GALNT17: variants seen among roughly 807,000 people sequenced by gnomAD.
GALNT17 encodes UDP-GalNAc:polypeptide N-acetylgalactosaminyltransferase-like 3.
In GALNT17, 29 loss-of-function variants were observed where a neutral mutation model predicts 63.7. The ratio of observed to expected loss-of-function variants is 0.46; its 90% CI spans 0.34 to 0.62. The LOEUF (loss-of-function observed/expected upper bound fraction) is 0.62, where lower values mean the gene tolerates loss of function less well. Among genes scored for constraint, GALNT17 ranks in the 20% least tolerant of loss-of-function variants. The pLI, the probability that GALNT17 is intolerant of heterozygous loss-of-function variation, is 0.01. For synonymous variants in GALNT17, 305 were observed against 318.3 expected, an observed-to-expected ratio of 0.96 and a Z score of 0.45; for missense variants, 603 against 799.6, an observed-to-expected ratio of 0.75 and a Z score of 2.97.
intron 1 of GALNT17, among the ~76,000 whole-genome samples, chr7:71,151,633 G>GA (rs565056347): frequency 0.39 from 47,221 of 121,398 alleles, 7,860 homozygotes; most frequent in Middle Eastern, 0.43. Context: ...AAAAAGAAAA[G>GA]AAAAAAAAAA....
intron 2 of GALNT17, among the ~76,000 whole-genome samples, chr7:71,386,297 C>T (rs147594474): frequency 6.6e-6 from 1 of 152,296 alleles, no homozygotes; most frequent in Non-Finnish European, 1.5e-5. Context: ...GCATAAGAAA[C>T]AGCTGTATTT....
intron 5 of GALNT17, among the ~76,000 whole-genome samples, chr7:71,469,487 A>G (rs1020191429): frequency 1.3e-5 from 2 of 152,222 alleles, no homozygotes; most frequent in Non-Finnish European, 1.5e-5. Context: ...TCGCAGCTGC[A>G]TTGTGGAAGT....
chr7:71,229,271 G>C (rs1014624812), intron 1 of GALNT17, among the ~76,000 whole-genome samples: 1 of 152,214 alleles, frequency 6.6e-6, no homozygotes, highest in Non-Finnish European at 1.5e-5. Flanking sequence ...AGGCCACTGC[G>C]ACTTGGGAGT....
At chr7:71,665,635 T>A in intron 7 of GALNT17, 39 bp downstream of exon 7, 1 of 1,574,330 alleles carries the variant, frequency 6.4e-7, no homozygotes, top group Non-Finnish European at 8.6e-7. Context: ...CCCAGTACAG[T>A]GATCCTTACT....
intron 5 of GALNT17, among the ~76,000 whole-genome samples, chr7:71,449,543 C>T (rs1374595949): frequency 6.6e-6 from 1 of 151,996 alleles, no homozygotes; most frequent in Non-Finnish European, 1.5e-5. Context: ...TTATCTCATT[C>T]CTGACTTAAT....
rs974968811 is a variant in GALNT17 at position 71,233,687 on chromosome 7, G to T, written c.238+100647G>T. Among the ~76,000 whole-genome samples, 6 of 152,020 alleles carry T rather than the reference G, an allele frequency of 3.9e-5. No homozygotes were observed. The South Asian group carries it at 1.0e-3, about 26-fold the overall frequency. Reference sequence around the variant, plus strand: ...TGCATCTCTACTGCCTGATGGTAGGGGTGGCCTTGCCTTTGGGGCTCTCAT... The same window carrying T: ...TGCATCTCTACTGCCTGATGGTAGGTGTGGCCTTGCCTTTGGGGCTCTCAT... On this transcript the variant is annotated intron_variant, in intron 1 of 10. Transcript: ENST00000333538.
chr7:71,696,448 T>C (rs1791547434), intron 9 of GALNT17, among the ~76,000 whole-genome samples: 1 of 152,180 alleles, frequency 6.6e-6, no homozygotes, highest in Admixed American at 6.5e-5. Context: ...CATTGTTTTC[T>C]ACACTGACTG....
At position 71,507,612 on chromosome 7, in the gene GALNT17, T is replaced by C. The variant is rs572911610; in HGVS notation, c.963-63673T>C. Among the ~76,000 whole-genome samples, 17 of 152,322 alleles carry C rather than the reference T, an allele frequency of 1.1e-4. No individual in the cohort carries two copies. The South Asian group carries it at 3.5e-3, about 32-fold the overall frequency. On this transcript the variant is annotated intron_variant, in intron 5 of 10. Coordinates refer to ENST00000333538, the MANE Select transcript of GALNT17 (RefSeq NM_022479.3). The stretch of plus-strand genomic sequence containing the variant: ...ACACTAAGAAAATTAAACCTGCCTG[T>C]GTCTATAGACGCCACTGGGCCCTGA...
chr7:71,190,098 A>G (rs913544742), intron 1 of GALNT17, among the ~76,000 whole-genome samples: 1 of 152,206 alleles, frequency 6.6e-6, no homozygotes, highest in Non-Finnish European at 1.5e-5. Flanking sequence ...GGCATGAGCC[A>G]TAGCACCTGG....
At chr7:71,423,229 C>T (rs1786699438) in intron 5 of GALNT17, among the ~76,000 whole-genome samples, 1 of 152,222 alleles carries the variant, frequency 6.6e-6, no homozygotes, top group African/African-American at 2.4e-5. Flanking sequence ...GGGTGGAGCC[C>T]TTGCCAGGGA....
chr7:71,386,685 C>A (rs1429243939), intron 2 of GALNT17, among the ~76,000 whole-genome samples: 1 of 152,070 alleles, frequency 6.6e-6, no homozygotes, highest in African/African-American at 2.4e-5. Flanking sequence ...TTAATCACTG[C>A]GCTCGGGCAT....
chr7:71,343,058 C>A (rs1360151873), intron 2 of GALNT17, among the ~76,000 whole-genome samples: 1 of 152,134 alleles, frequency 6.6e-6, no homozygotes, highest in East Asian at 1.9e-4. Flanking sequence ...TAGGCAGTAA[C>A]CAGAGAGACT....
chr7:71,621,927 C>T (rs1790301179), intron 6 of GALNT17, among the ~76,000 whole-genome samples: 2 of 152,150 alleles, frequency 1.3e-5, no homozygotes, highest in African/African-American at 4.8e-5. Flanking sequence ...TTTCATTTGT[C>T]ACCAACAAAG....
chr7:71,655,550 G>A (rs1335631837), intron 6 of GALNT17, among the ~76,000 whole-genome samples: 1 of 152,156 alleles, frequency 6.6e-6, no homozygotes, highest in Non-Finnish European at 1.5e-5. Flanking sequence ...AGATGCCAGA[G>A]CTGAAAGAAA....
At chr7:71,593,231 A>G (rs931756060) in intron 6 of GALNT17, among the ~76,000 whole-genome samples, 1 of 147,360 alleles carries the variant, frequency 6.8e-6, no homozygotes, top group African/African-American at 2.5e-5. Context: ...TGGAAATTTC[A>G]TGGATAGATT....
chr7:71,220,528 A>G (rs1789564070), intron 1 of GALNT17, among the ~76,000 whole-genome samples: 1 of 151,988 alleles, frequency 6.6e-6, no homozygotes, highest in Non-Finnish European at 1.5e-5. Flanking sequence ...GCTCTAACTC[A>G]CCCTAAATAG....
chr7:71,249,861 T>G (rs1303962857), intron 1 of GALNT17, among the ~76,000 whole-genome samples: 1 of 152,252 alleles, frequency 6.6e-6, no homozygotes, highest in Non-Finnish European at 1.5e-5. Context: ...ATTCAGCTAG[T>G]AAATTTCCAT....
intron 5 of GALNT17, among the ~76,000 whole-genome samples, chr7:71,521,909 G>T (rs1409012208): frequency 6.6e-6 from 1 of 152,104 alleles, no homozygotes; most frequent in Non-Finnish European, 1.5e-5. Context: ...CTAAAGTTTT[G>T]GTTCTAGAAG....
chr7:71,330,641 G>C (rs1427293482), intron 1 of GALNT17, among the ~76,000 whole-genome samples: 2 of 150,176 alleles, frequency 1.3e-5, no homozygotes, highest in Non-Finnish European at 3.0e-5. Context: ...GGCTCAAGCA[G>C]TTCCTCTGCC....
Sources: allele counts gnomAD v4.1 joint callset (sites outside exome capture counted in the v4.1 genomes callset), GRCh38; gene constraint gnomAD v4.1.1; transcripts MANE v1.5; gene names NCBI Gene and HGNC (gene_info 2026-07-23, HGNC 2026-07-21).